HSP90AA1: variants seen among roughly 807,000 people sequenced by gnomAD.
HSP90AA1 encodes the protein heat shock protein HSP 90-alpha.
HSP90AA1 carries 18 observed loss-of-function variants against 73.3 expected under a neutral mutation model. The observed-to-expected ratio is 0.25, with a 90% CI of 0.17 to 0.36. HSP90AA1 has a LOEUF of 0.36. Ranked by LOEUF, HSP90AA1 falls within the 10% of genes least tolerant of loss-of-function variation. The probability of loss-of-function intolerance (pLI) is 1.00; values close to 1 mark genes in which losing one functional copy is unlikely to be tolerated. For synonymous variants in HSP90AA1, 477 were observed against 296.9 expected, an observed-to-expected ratio of 1.61 and a Z score of -6.24; for missense variants, 704 against 874.2, an observed-to-expected ratio of 0.81 and a Z score of 2.45.
At chr14:102,087,832 T>C (rs927138917), upstream of HSP90AA1, among the ~76,000 whole-genome samples, 1 of 151,754 alleles carries the variant, frequency 6.6e-6, no homozygotes, top group African/African-American at 2.4e-5. Flanking sequence ...CTTACCCAGC[T>C]ACACCCGGCA....
chr14:102,081,078 T>G lies in HSP90AA1; in HGVS notation c.*634A>C, dbSNP rs749124836. ...TAACTCATCTGTATTTGTTACAACT[T>G]TAAGCAGAATGTGACTCGAGCACTA... is the stretch of plus-strand genomic sequence containing the variant. On this transcript the variant is annotated 3_prime_UTR_variant, in exon 11 of 11. Transcript: ENST00000216281. The G allele has an allele frequency of 3.3e-4, 75 of 228,370 alleles. No individual in the cohort carries two copies. The highest frequency in any genetic ancestry group is 8.4e-4 in the Admixed American group (15 of 17,950). The allele number at this position is 228,370 out of a possible 1,614,324, so 14.1% of individuals were successfully genotyped here. A position where few individuals can be genotyped will look rare whatever the true frequency, so the allele number is the denominator to read the frequency against.
intron 2 of HSP90AA1, among the ~76,000 whole-genome samples, chr14:102,095,390 AG>A (rs1386944791): frequency 6.6e-6 from 1 of 152,068 alleles, no homozygotes. Context: ...CCTCACCTGC[AG>A]GCCTCCCTAG....
upstream of HSP90AA1, among the ~76,000 whole-genome samples, chr14:102,087,783 C>T (rs1302072698): frequency 2.0e-5 from 3 of 152,138 alleles, no homozygotes; most frequent in Admixed American, 1.3e-4. Context: ...TTAAGGGTCC[C>T]TTAGCTTGGG....
chr14:102,087,950 TCTTTTTTTTTTTTTTG>T (rs2049289094), upstream of HSP90AA1, among the ~76,000 whole-genome samples: 1 of 107,166 alleles, frequency 9.3e-6, no homozygotes, highest in Admixed American at 9.6e-5. Context: ...TTTTTTTTTT[TCTTTTTTTTTTTTTTG>T]GACAGGCTCT....
intron 1 of HSP90AA1, among the ~76,000 whole-genome samples, chr14:102,134,755 CAA>C (rs1431287743): frequency 1.1e-4 from 16 of 152,236 alleles, no homozygotes; most frequent in East Asian, 1.9e-4. Flanking sequence ...AGTGTGGACC[CAA>C]AGAGTGAGCA....
In HSP90AA1 at chr14:102,085,282, T is replaced by C. The variant is rs1364973724; in HGVS notation, c.663+16A>G. The C allele has an allele frequency of 1.2e-6, 2 of 1,608,446 alleles. No individual in the cohort carries two copies. Among genetic ancestry groups the C allele is most frequent in the East Asian group, 2.2e-5 (1 of 44,860 alleles). Reference sequence around the variant, plus strand: ...CTACAGACAGAAATTCACTCTGCAATTACATAAAAACTTACAAAAAGAGTA... The same window carrying C: ...CTACAGACAGAAATTCACTCTGCAACTACATAAAAACTTACAAAAAGAGTA... On this transcript the variant is annotated intron_variant, in intron 4 of 10. Transcript: ENST00000216281.
upstream of HSP90AA1, among the ~76,000 whole-genome samples, chr14:102,088,558 C>G (rs577367943): frequency 6.6e-6 from 1 of 152,336 alleles, no homozygotes; most frequent in South Asian, 2.1e-4. Flanking sequence ...AACTAGCAGC[C>G]ACGTGGCGCG....
chr14:102,093,599 T>G (rs1245652159), intron 2 of HSP90AA1, among the ~76,000 whole-genome samples: 1 of 152,190 alleles, frequency 6.6e-6, no homozygotes, highest in Non-Finnish European at 1.5e-5. Context: ...TGCCACTCGC[T>G]GGCTGTGTGA....
At chr14:102,089,230 A>G (rs1461715531), upstream of HSP90AA1, among the ~76,000 whole-genome samples, 3 of 151,918 alleles carry the variant, frequency 2.0e-5, no homozygotes, top group African/African-American at 7.3e-5. Flanking sequence ...CAGCTCTGAC[A>G]TTCTTTGTCC....
intron 1 of HSP90AA1, among the ~76,000 whole-genome samples, chr14:102,111,437 T>C (rs1371261018): frequency 1.3e-5 from 2 of 152,230 alleles, no homozygotes; most frequent in African/African-American, 4.8e-5. Flanking sequence ...TGCAGGTGCA[T>C]GGAAGTCAAG....
chr14:102,084,228 T>C, intron 6 of HSP90AA1, 171 bp downstream of exon 6: 4 of 701,288 alleles, frequency 5.7e-6, no homozygotes, highest in Admixed American at 5.3e-5. Flanking sequence ...TGTAATTTAG[T>C]AGAGATGGGG....
intron 1 of HSP90AA1, among the ~76,000 whole-genome samples, chr14:102,138,052 A>G (rs1282027706): frequency 1.3e-5 from 2 of 152,060 alleles, no homozygotes; most frequent in African/African-American, 4.8e-5. Context: ...TATGCATGAG[A>G]CAAAGTGAAC....
At chr14:102,099,786 C>T (rs2049470391) in intron 2 of HSP90AA1, among the ~76,000 whole-genome samples, 1 of 152,228 alleles carries the variant, frequency 6.6e-6, no homozygotes, top group South Asian at 2.1e-4. Context: ...GTTAGTGCTA[C>T]TGCCCAGCGG....
At chr14:102,090,101 C>T (rs974854990), upstream of HSP90AA1, among the ~76,000 whole-genome samples, 1 of 152,212 alleles carries the variant, frequency 6.6e-6, no homozygotes, top group African/African-American at 2.4e-5. Context: ...CCCCATACAG[C>T]GCCAGTTCCC....
At chr14:102,104,941 G>A (rs2049543994) in intron 1 of HSP90AA1, among the ~76,000 whole-genome samples, 2 of 150,532 alleles carry the variant, frequency 1.3e-5, no homozygotes, top group Non-Finnish European at 2.9e-5. Context: ...GCTCACACCT[G>A]TAATCCCAGC....
At chr14:102,097,549 C>T (rs2049441167) in intron 2 of HSP90AA1, among the ~76,000 whole-genome samples, 1 of 152,104 alleles carries the variant, frequency 6.6e-6, no homozygotes, top group South Asian at 2.1e-4. Context: ...GCCTTTGAGT[C>T]CCCCCAAGGG....
intron 2 of HSP90AA1, among the ~76,000 whole-genome samples, chr14:102,101,241 A>G (rs2152619291): frequency 6.6e-6 from 1 of 152,342 alleles, no homozygotes; most frequent in African/African-American, 2.4e-5. Context: ...ACACAGATGA[A>G]TGCAAATGTT....
In HSP90AA1 at chr14:102,086,210, G is replaced by A. The variant is rs750795294; in HGVS notation, c.162+7C>T. On this transcript the variant is annotated splice_region_variant and intron_variant, in intron 2 of 10. Transcript: ENST00000216281. ...AAAATCCGATTCTGGGTTAATAAGT[G>A]ACTTACATCTGATGAATTTGAAATG... 12 of 1,614,026 alleles carry A rather than the reference G, an allele frequency of 7.4e-6. No homozygotes were observed. The highest frequency in any genetic ancestry group is 6.7e-5 in the African/African-American group (5 of 74,920).
chr14:102,123,444 G>A, intron 1 of HSP90AA1, among the ~76,000 whole-genome samples: 1 of 151,910 alleles, frequency 6.6e-6, no homozygotes. Context: ...TTTCTACAAT[G>A]TTGAGTCTTG....
Sources: gnomAD v4.1 joint callset for allele counts (sites outside exome capture counted in the v4.1 genomes callset) on GRCh38, gnomAD v4.1.1 for gene constraint, MANE v1.5 for transcripts, NCBI Gene and HGNC (gene_info 2026-07-23, HGNC 2026-07-21) for gene names.